CCDC141: variants seen among roughly 807,000 people sequenced by gnomAD.
CCDC141 encodes the protein coiled-coil domain containing 141.
Under a neutral mutation model 181.0 loss-of-function variants are expected in CCDC141, and 168 were observed. The ratio of observed to expected loss-of-function variants is 0.93; its 90% CI spans 0.82 to 1.05. The LOEUF is 1.05. Ranked by LOEUF, CCDC141 falls within the 50% of genes least tolerant of loss-of-function variation. The pLI is 0.00. For missense variants in CCDC141, 1,902 were observed against 1,788.5 expected (o/e 1.06, Z -1.14); for synonymous variants, 666 against 642.3 (o/e 1.04, Z -0.56).
intron 2 of CCDC141, among the ~76,000 whole-genome samples, chr2:178,995,256 G>C (rs547829420): frequency 6.6e-6 from 1 of 152,164 alleles, no homozygotes; most frequent in African/African-American, 2.4e-5. Context: ...GAGATGCCTC[G>C]CAATCAAGGC....
At position 179,028,325 on chromosome 2, in the gene CCDC141, C is replaced by T. The variant is rs1272781406; in HGVS notation, c.225+18959G>A. Among the ~76,000 whole-genome samples the T allele has an allele frequency of 2.0e-5, 3 of 152,202 alleles. No homozygotes were observed. In the East Asian group the frequency reaches 5.8e-4, roughly 29 times the overall value. ...ACACTCACACTATACTTTATAAGTG[C>T]AGTCTGCTCATTTCCTGAACCCTCA... On this transcript the variant is annotated intron_variant, in intron 2 of 23. Coordinates refer to ENST00000443758, the MANE Select transcript of CCDC141 (RefSeq NM_173648.4).
At chr2:178,894,948 G>A (rs949444302) in intron 8 of CCDC141, among the ~76,000 whole-genome samples, 2 of 152,140 alleles carry the variant, frequency 1.3e-5, no homozygotes, top group Admixed American at 6.5e-5. Flanking sequence ...GAGATTATTT[G>A]GAAAACATAA....
At chr2:178,962,712 T>C (rs1690462858) in intron 4 of CCDC141, among the ~76,000 whole-genome samples, 1 of 151,240 alleles carries the variant, frequency 6.6e-6, no homozygotes, top group Admixed American at 6.6e-5. Context: ...CTTACAACAA[T>C]GGCACCCCAA....
intron 7 of CCDC141, among the ~76,000 whole-genome samples, chr2:178,906,227 CA>C (rs1687962450): frequency 6.6e-6 from 1 of 152,156 alleles, no homozygotes; most frequent in African/African-American, 2.4e-5. Context: ...CCTTTATTAG[CA>C]GATCAACAAC....
chr2:178,933,065 C>G (rs1272873212), intron 6 of CCDC141, among the ~76,000 whole-genome samples: 1 of 152,026 alleles, frequency 6.6e-6, no homozygotes, highest in Non-Finnish European at 1.5e-5. Context: ...CACTCAGTAA[C>G]AACTAGAAAA....
chr2:178,820,194 T>C, the CCDC141 span, among the ~76,000 whole-genome samples: 2 of 152,204 alleles, frequency 1.3e-5, no homozygotes, highest in Admixed American at 6.5e-5. Context: ...TGAAAATCTG[T>C]GGTTCTGAAA....
chr2:178,836,574 TA>T (rs2154365704), intron 23 of CCDC141: 1 of 214,210 alleles, frequency 4.7e-6, no homozygotes, highest in East Asian at 1.1e-4. Flanking sequence ...AAATAGACAA[TA>T]AAAAATAATT....
chr2:178,848,213 G>A lies in CCDC141; in HGVS notation c.3357+1836C>T, dbSNP rs759700284. Among the ~76,000 whole-genome samples, 42 of 152,280 alleles carry A rather than the reference G, an allele frequency of 2.8e-4. 1 individual carries two copies. The highest frequency in any genetic ancestry group is 3.4e-3 in the Middle Eastern group (1 of 294). On this transcript the variant is annotated intron_variant, in intron 21 of 23. Transcript: ENST00000443758. The stretch of plus-strand genomic sequence containing the variant: ...CAGAAGGTCGTGTCCTTGAAGTAAA[G>A]GTTTAGAAGTGAGAAATCCCAGGGA...
intron 3 of CCDC141, among the ~76,000 whole-genome samples, chr2:178,976,746 C>G (rs1307238275): frequency 6.6e-6 from 1 of 152,160 alleles, no homozygotes; most frequent in African/African-American, 2.4e-5. Context: ...ATTTACATCT[C>G]TAATTCAATT....
intron 14 of CCDC141, 74 bp from the exon 15 acceptor site, chr2:178,869,379 T>C: frequency 9.7e-7 from 1 of 1,030,614 alleles, no homozygotes; most frequent in Non-Finnish European, 1.4e-6. Context: ...AATATAAAGG[T>C]CTAAACAATG....
chr2:179,038,916 A>T (rs1197026644), intron 2 of CCDC141, among the ~76,000 whole-genome samples: 1 of 152,202 alleles, frequency 6.6e-6, no homozygotes, highest in Non-Finnish European at 1.5e-5. Context: ...ATGGAAAGTC[A>T]GATGTTAAGA....
At chr2:178,881,066 A>G (rs1232394191) in intron 11 of CCDC141, among the ~76,000 whole-genome samples, 1 of 152,224 alleles carries the variant, frequency 6.6e-6, no homozygotes, top group African/African-American at 2.4e-5. Flanking sequence ...AGTGGGTACA[A>G]TGTGCAAAAG....
Position 178,991,497 on chromosome 2 carries a change from G to A in CCDC141, c.226-12822C>T, listed in dbSNP as rs905659683. Reference sequence around the variant, plus strand: ...CACAAAAAACGTAAGCAGATCTCATGAAGGTAGAGAATAGAATGATGGTTA... The same window carrying A: ...CACAAAAAACGTAAGCAGATCTCATAAAGGTAGAGAATAGAATGATGGTTA... On this transcript the variant is annotated intron_variant, in intron 2 of 23. Transcript: ENST00000443758. Among the ~76,000 whole-genome samples the A allele has an allele frequency of 3.9e-5, 6 of 152,092 alleles. No homozygotes were observed. The South Asian group carries it at 1.3e-3, about 32-fold the overall frequency.
intron 17 of CCDC141, among the ~76,000 whole-genome samples, chr2:178,864,233 G>GA (rs1418061664): frequency 6.6e-6 from 1 of 152,138 alleles, no homozygotes; most frequent in Non-Finnish European, 1.5e-5. Flanking sequence ...AAAACGGGAA[G>GA]AAAGGGGGAG....
At chr2:179,045,030 C>T (rs2043444081) in intron 2 of CCDC141, among the ~76,000 whole-genome samples, 1 of 145,720 alleles carries the variant, frequency 6.9e-6, no homozygotes, top group Non-Finnish European at 1.5e-5. Context: ...TATTATTTTA[C>T]TTTAAGTTTT....
At chr2:179,002,871 G>A (rs1444785981) in intron 2 of CCDC141, 1 of 152,484 alleles carries the variant, frequency 6.6e-6, no homozygotes, top group Non-Finnish European at 1.5e-5. Context: ...AAGCTCCCAG[G>A]AAACATCACA....
the CCDC141 span, among the ~76,000 whole-genome samples, chr2:178,823,066 A>T: frequency 6.6e-6 from 1 of 152,158 alleles, no homozygotes; most frequent in Non-Finnish European, 1.5e-5. Flanking sequence ...TGACTGCAGA[A>T]AACTGTCTTA....
intron 12 of CCDC141, chr2:178,873,101 T>A (rs1380766440): frequency 6.6e-6 from 1 of 152,196 alleles, no homozygotes; most frequent in African/African-American, 2.4e-5. Context: ...ATTCTTATGT[T>A]TTTTACTTTA....
chr2:178,842,450 C>A (rs917660384), intron 22 of CCDC141, among the ~76,000 whole-genome samples: 5 of 152,206 alleles, frequency 3.3e-5, no homozygotes, highest in African/African-American at 1.2e-4. Flanking sequence ...TTATCTCTGT[C>A]AGGACTTCTG....
Sources: gnomAD v4.1 joint callset for allele counts (sites outside exome capture counted in the v4.1 genomes callset) on GRCh38, gnomAD v4.1.1 for gene constraint, MANE v1.5 for transcripts, NCBI Gene and HGNC (gene_info 2026-07-23, HGNC 2026-07-21) for gene names.